The following PAXIP1 variants were observed in gnomAD, a reference collection of about 807,000 sequenced individuals.
The protein encoded by PAXIP1 is PAX interacting protein 1.
PAXIP1 carries 19 observed loss-of-function variants against 140.6 expected under a neutral mutation model. The observed-to-expected ratio is 0.14, with a 90% confidence interval of 0.09 to 0.20. The LOEUF is 0.20. Among genes scored for constraint, PAXIP1 ranks in the 10% least tolerant of loss-of-function variants. The pLI, the probability that PAXIP1 is intolerant of heterozygous loss-of-function variation, is 1.00. For synonymous variants in PAXIP1, 442 were observed against 444.6 expected (o/e 0.99, Z 0.07); for missense variants, 920 against 1,208.6 (o/e 0.76, Z 3.54).
In PAXIP1 at chr7:154,976,216, A is replaced by G. The variant is rs1282209851; in HGVS notation, c.554T>C (p.Leu185Pro). The change falls in exon 6 of 21, where the codon CTG becomes CCG. Residue 185 changes from leucine to proline, a missense_variant. Leu to Pro is a moderately conservative substitution (Grantham distance 98). Transcript: ENST00000404141. ...CTCTTCTTCCTCTTCATAAATAATC[A>G]GACGAGGATGATAAAATGCTTCGTC... ...KKDEAFYHPR[L>P]IIYEEEEEEE... 6.2e-7 allele frequency: 1 copy of G among 1,613,390 alleles called. No homozygotes were observed. Among genetic ancestry groups the G allele is most frequent in the Non-Finnish European group, 8.5e-7 (1 of 1,179,578 alleles).
Position 154,946,515 on chromosome 7 carries a change from T to A in PAXIP1, c.3130A>T (p.Ile1044Leu). The change falls in exon 19 of 21, where the codon ATA becomes TTA. Residue 1044 changes from isoleucine to leucine, a missense_variant. Ile to Leu is a conservative substitution (Grantham distance 5). Transcript: ENST00000404141. The surrounding 1 kb of genome is among the most constrained non-coding windows in gnomAD (Gnocchi z 4.9). Reference protein sequence around the residue: ...HLCREYFARGIDVHNAEFVLT... With the variant: ...HLCREYFARGLDVHNAEFVLT... ...ACAGGTAAGCGGGGAAACGTACCTA[T>A]GCCTCTGGCAAAATATTCTCGGCAT... is the stretch of plus-strand genomic sequence containing the variant. 6.2e-7 allele frequency: 1 copy of A among 1,613,970 alleles called. No individual in the cohort carries two copies. Among genetic ancestry groups the A allele is most frequent in the Non-Finnish European group, 8.5e-7 (1 of 1,179,816 alleles).
chr7:154,955,622 G>T lies in PAXIP1; in HGVS notation c.2559C>A (p.Asp853Glu). Reference protein sequence around the residue: ...QPSSKRARIEDVPPPTKKLTP... With the variant: ...QPSSKRARIEEVPPPTKKLTP... ...TTAGCTTTTTAGTGGGAGGTGGTACGTCTTCAATTCTGTGGAAGAAATACA... is the reference window on the plus strand; with the variant it reads ...TTAGCTTTTTAGTGGGAGGTGGTACTTCTTCAATTCTGTGGAAGAAATACA... Residue 853 changes from aspartate (D) to glutamate (E), a missense_variant, in exon 15 of 21, where the codon GAC becomes GAA. Coordinates refer to ENST00000404141, the MANE Select transcript of PAXIP1 (RefSeq NM_007349.4). 6.4e-7 allele frequency: 1 copy of T among 1,567,746 alleles called. No individual in the cohort carries two copies. Among genetic ancestry groups the T allele is most frequent in the Non-Finnish European group, 8.6e-7 (1 of 1,156,230 alleles).
intron 8 of PAXIP1, among the ~76,000 whole-genome samples, chr7:154,966,972 C>A (rs550211437): frequency 1.8e-4 from 27 of 152,290 alleles, no homozygotes; most frequent in East Asian, 5.8e-4. Flanking sequence ...AATCCTCCCC[C>A]CTAATTCTCA....
chr7:154,978,916 G>A (rs1809720936), intron 5 of PAXIP1, among the ~76,000 whole-genome samples: 1 of 152,150 alleles, frequency 6.6e-6, no homozygotes. Flanking sequence ...TTCCTAGTTT[G>A]TATAGAATGC....
At chr7:154,983,489 GCTT>G in intron 4 of PAXIP1, 157 bp from the exon 5 acceptor site, 1 of 550,518 alleles carries the variant, frequency 1.8e-6, no homozygotes, top group Non-Finnish European at 3.2e-6. Flanking sequence ...TTAGCTATCT[GCTT>G]ATTATAACAA....
rs1808860875 is a variant in PAXIP1 at position 154,963,455 on chromosome 7, C to G, written c.1989+216G>C. ...TCCTGTCCGCCCTTTCTTAACACCA[C>G]CTGGGAACATCCCTTTCTTTCTCCA... On this transcript the variant is annotated intron_variant, in intron 9 of 20. Transcript: ENST00000404141. This position sits in a 1 kb window ranked among gnomAD's most constrained non-coding sequence, Gnocchi z 4.1. Among the ~76,000 whole-genome samples, 1 of 152,160 alleles carries G rather than the reference C, an allele frequency of 6.6e-6. No homozygotes were observed. The highest frequency in any genetic ancestry group is 6.5e-5 in the Admixed American group (1 of 15,276).
chr7:154,958,693 C>T (rs1016959584), intron 13 of PAXIP1, among the ~76,000 whole-genome samples: 1 of 152,130 alleles, frequency 6.6e-6, no homozygotes, highest in Non-Finnish European at 1.5e-5. Flanking sequence ...ATAAACTGGG[C>T]CTCTTTGTCT....
intron 2 of PAXIP1, among the ~76,000 whole-genome samples, chr7:154,997,503 A>G (rs1369407382): frequency 6.6e-6 from 1 of 152,164 alleles, no homozygotes; most frequent in East Asian, 1.9e-4. Flanking sequence ...AGCATTTAAT[A>G]ACATGAAGAG....
chr7:154,967,981 G>A, intron 7 of PAXIP1, 71 bp from the exon 8 acceptor site: 2 of 972,390 alleles, frequency 2.1e-6, no homozygotes. Flanking sequence ...GTTAAAAAGT[G>A]GCGCCTCACA....
chr7:154,974,705 T>A (rs1269199655), intron 6 of PAXIP1: 1 of 152,176 alleles, frequency 6.6e-6, no homozygotes, highest in East Asian at 1.9e-4. Context: ...GTCCTTTTGT[T>A]CATATTTCTC....
chr7:154,999,983 A>C (rs1463235991), intron 1 of PAXIP1: 1 of 152,268 alleles, frequency 6.6e-6, no homozygotes, highest in African/African-American at 2.4e-5. Context: ...GGAACAGTCG[A>C]CAGTCAAGTG....
In PAXIP1 at chr7:154,959,949, C is replaced by T; in HGVS notation, c.2435-16G>A. ...CTCCAAGCATCTAAAGAGAGAAACA[C>T]ATTATTTTTTATGATAGATACGTTG... is the stretch of plus-strand genomic sequence containing the variant. On this transcript the variant is annotated splice_polypyrimidine_tract_variant and intron_variant, in intron 12 of 20. Coordinates refer to ENST00000404141, the MANE Select transcript of PAXIP1 (RefSeq NM_007349.4). 6.4e-7 allele frequency: 1 copy of T among 1,574,734 alleles called. No individual in the cohort carries two copies. The highest frequency in any genetic ancestry group is 8.7e-7 in the Non-Finnish European group (1 of 1,145,302).
At chr7:154,978,183 C>T (rs1298990962) in intron 5 of PAXIP1, among the ~76,000 whole-genome samples, 1 of 152,198 alleles carries the variant, frequency 6.6e-6, no homozygotes, top group African/African-American at 2.4e-5. Flanking sequence ...TCAGATCTCC[C>T]CAGTAGTCTC....
At chr7:154,958,109 C>T (rs1252092641) in intron 13 of PAXIP1, among the ~76,000 whole-genome samples, 1 of 152,156 alleles carries the variant, frequency 6.6e-6, no homozygotes, top group African/African-American at 2.4e-5. Flanking sequence ...ATCAACACTG[C>T]TACCAACAGC....
At chr7:154,993,486 T>C (rs903038132) in intron 3 of PAXIP1, among the ~76,000 whole-genome samples, 3 of 152,190 alleles carry the variant, frequency 2.0e-5, no homozygotes, top group African/African-American at 7.2e-5. Context: ...CCGGAGCTCC[T>C]GCCTCCAGTT....
Position 154,986,234 on chromosome 7 carries a change from T to C in PAXIP1, c.325-2902A>G. The C allele has an allele frequency of 7.8e-7, 1 of 1,280,848 alleles. No homozygotes were observed. Among genetic ancestry groups the C allele is most frequent in the Non-Finnish European group, 1.0e-6 (1 of 974,708 alleles). The allele number at this position is 1,280,848 out of a possible 1,614,324, so 79.3% of individuals were successfully genotyped here. Reference sequence around the variant, plus strand: ...GAACCACCAAGAAACAGTCCTTTTGTAAAGCTGGGGTCCTGCCTGGCGTGT... The same window carrying C: ...GAACCACCAAGAAACAGTCCTTTTGCAAAGCTGGGGTCCTGCCTGGCGTGT... On this transcript the variant is annotated intron_variant, in intron 4 of 20. Coordinates refer to ENST00000404141, the MANE Select transcript of PAXIP1 (RefSeq NM_007349.4). This position sits in a 1 kb window ranked among gnomAD's most constrained non-coding sequence, Gnocchi z 4.8.
chr7:154,993,991 T>A (rs947430667), intron 2 of PAXIP1, among the ~76,000 whole-genome samples: 9 of 152,226 alleles, frequency 5.9e-5, no homozygotes, highest in African/African-American at 1.7e-4. Context: ...CATATTTTTT[T>A]AAAATTATGT....
In PAXIP1 at chr7:154,986,190, A is replaced by G. The variant is rs1483127324; in HGVS notation, c.325-2858T>C. ...GCTTGTATCAACACCCTGACGGGGA[A>G]AAGACAGAAGGTCACTGAGAACCAC... is the stretch of plus-strand genomic sequence containing the variant. On this transcript the variant is annotated intron_variant, in intron 4 of 20. Coordinates refer to ENST00000404141, the MANE Select transcript of PAXIP1 (RefSeq NM_007349.4). The surrounding 1 kb of genome is among the most constrained non-coding windows in gnomAD (Gnocchi z 4.8). 1 of 1,356,978 alleles carries G rather than the reference A, an allele frequency of 7.4e-7. No individual in the cohort carries two copies. Among genetic ancestry groups the G allele is most frequent in the African/African-American group, 1.5e-5 (1 of 67,382 alleles). The allele number at this position is 1,356,978 out of a possible 1,614,324, so 84.1% of individuals were successfully genotyped here.
chr7:154,959,534 C>T (rs544395567), intron 13 of PAXIP1, among the ~76,000 whole-genome samples: 2 of 152,308 alleles, frequency 1.3e-5, no homozygotes, highest in South Asian at 4.1e-4. Flanking sequence ...TAACTAACAA[C>T]CAATGGCCCT....
Sources: allele counts gnomAD v4.1 joint callset (sites outside exome capture counted in the v4.1 genomes callset), GRCh38; gene constraint gnomAD v4.1.1; non-coding constraint Gnocchi (gnomAD v3.1); transcripts MANE v1.5; gene names NCBI Gene and HGNC (gene_info 2026-07-23, HGNC 2026-07-21).